Variants in MACROD2 observed in about 807,000 individuals in gnomAD.
MACROD2 encodes the protein mono-ADP ribosylhydrolase 2.
MACROD2 carries 36 observed loss-of-function variants against 70.4 expected under a neutral mutation model. The ratio of observed to expected loss-of-function variants is 0.51; its 90% confidence interval spans 0.39 to 0.68. The LOEUF (loss-of-function observed/expected upper bound fraction) is 0.68, where lower values mean the gene tolerates loss of function less well. MACROD2 is among the 30% of genes least tolerant of loss of function. The pLI is 0.00. For synonymous variants in MACROD2, 172 were observed against 178.8 expected (o/e 0.96, Z 0.30); for missense variants, 496 against 538.4 (o/e 0.92, Z 0.78).
chr20:14,779,526 A>C (rs1218622868), intron 5 of MACROD2, among the ~76,000 whole-genome samples: 1 of 152,160 alleles, frequency 6.6e-6, no homozygotes, highest in Non-Finnish European at 1.5e-5. Flanking sequence ...TCAGCAGGTC[A>C]TAATGACTCT....
intron 2 of MACROD2, chr20:14,051,998 G>C: frequency 2.0e-6 from 1 of 497,408 alleles, no homozygotes; most frequent in Non-Finnish European, 4.0e-6. Context: ...CCTGGAACAA[G>C]TTATGGAAAG....
chr20:14,566,341 C>T (rs1979802251), intron 4 of MACROD2, among the ~76,000 whole-genome samples: 1 of 151,786 alleles, frequency 6.6e-6, no homozygotes, highest in South Asian at 2.1e-4. Flanking sequence ...TCAGGAGGAT[C>T]ACTTGAGCCC....
At chr20:15,332,343 T>C (rs1205488366) in intron 6 of MACROD2, among the ~76,000 whole-genome samples, 1 of 151,698 alleles carries the variant, frequency 6.6e-6, no homozygotes, top group African/African-American at 2.4e-5. Flanking sequence ...TTACTCTAGA[T>C]CTATACTTCA....
chr20:14,509,816 G>T (rs1050888183), intron 4 of MACROD2, among the ~76,000 whole-genome samples: 8 of 151,672 alleles, frequency 5.3e-5, no homozygotes, highest in Non-Finnish European at 7.4e-5. Flanking sequence ...TAATATATTG[G>T]TATTAAGATT....
At chr20:15,418,809 C>T (rs1243563787) in intron 6 of MACROD2, among the ~76,000 whole-genome samples, 5 of 152,310 alleles carry the variant, frequency 3.3e-5, no homozygotes, top group African/African-American at 1.2e-4. Flanking sequence ...TTGGCAGTCC[C>T]TCCTGGGTTT....
chr20:15,844,263 T>C (rs2064205154), intron 8 of MACROD2, among the ~76,000 whole-genome samples: 1 of 152,044 alleles, frequency 6.6e-6, no homozygotes, highest in Non-Finnish European at 1.5e-5. Flanking sequence ...AGAGATGCTA[T>C]GGTAATATAA....
intron 6 of MACROD2, among the ~76,000 whole-genome samples, chr20:15,260,099 C>A (rs376978733): frequency 6.6e-6 from 1 of 151,566 alleles, no homozygotes; most frequent in Non-Finnish European, 1.5e-5. Context: ...ATTGGGATAT[C>A]CAATTACCTT....
intron 12 of MACROD2, among the ~76,000 whole-genome samples, chr20:15,943,589 C>T (rs1020652710): frequency 6.6e-6 from 1 of 152,114 alleles, no homozygotes; most frequent in Non-Finnish European, 1.5e-5. Context: ...AACTAAGATA[C>T]ATTGAGTGTC....
rs1339467847 is a variant in MACROD2, at chr20:14,592,061, A to C, written c.302-92782A>C. Among the ~76,000 whole-genome samples the C allele has an allele frequency of 2.6e-5, 4 of 152,182 alleles. No individual in the cohort carries two copies. In the South Asian group the frequency reaches 8.3e-4, roughly 32 times the overall value. ...GCAGTGGAAGGACATGGCAAATAGG[A>C]ATGCAGAGGGCATGACTAGACATGC... On this transcript the variant is annotated intron_variant, in intron 4 of 17. Transcript: ENST00000684519.
intron 5 of MACROD2, among the ~76,000 whole-genome samples, chr20:14,999,236 C>A (rs972803881): frequency 2.0e-5 from 3 of 152,174 alleles, no homozygotes; most frequent in African/African-American, 4.8e-5. Flanking sequence ...CAGACAAATG[C>A]AGAATAGTAT....
Position 14,938,940 on chromosome 20 carries a change from A to ATTTTTTTT in MACROD2, c.418+253996_418+254003dup, listed in dbSNP as rs1230863391. 3.6e-4 allele frequency among the ~76,000 whole-genome samples: 31 copies of ATTTTTTTT among 86,456 alleles called. 1 individual carries two copies. Among genetic ancestry groups the ATTTTTTTT allele is most frequent in the Non-Finnish European group, 4.0e-4 (16 of 39,674 alleles). The allele number at this position is 86,456 out of a possible 152,430, so 56.7% of individuals were successfully genotyped here. On this transcript the variant is annotated intron_variant, in intron 5 of 17. Coordinates refer to ENST00000684519, the MANE Select transcript of MACROD2 (RefSeq NM_001351661.2). Reference sequence around the variant, plus strand: ...GATATTTTTTTCATTGTTAAATCAGATTTTTTTTTTTTTTTTTTTTTTACT... The same window carrying ATTTTTTTT: ...GATATTTTTTTCATTGTTAAATCAGATTTTTTTTTTTTTTTTTTTTTTTTTTTTTTACT...
intron 5 of MACROD2, among the ~76,000 whole-genome samples, chr20:15,101,314 A>C (rs981495712): frequency 1.3e-5 from 2 of 151,900 alleles, no homozygotes; most frequent in Non-Finnish European, 2.9e-5. Flanking sequence ...GAAATGATTC[A>C]ATTTCCTATC....
intron 3 of MACROD2, among the ~76,000 whole-genome samples, chr20:14,300,509 A>C (rs2082465747): frequency 6.6e-6 from 1 of 152,152 alleles, no homozygotes; most frequent in South Asian, 2.1e-4. Flanking sequence ...TTCAAGTGGA[A>C]ACTTTAGAAA....
Position 14,989,033 on chromosome 20 carries a change from T to C in MACROD2, c.419-240907T>C, listed in dbSNP as rs185493654. On this transcript the variant is annotated intron_variant, in intron 5 of 17. Coordinates refer to ENST00000684519, the MANE Select transcript of MACROD2 (RefSeq NM_001351661.2). ...AAACAATGTTTATGTAAGTAATTAATTAAAAAGTATTCTGTGAATACAAAG... is the reference window on the plus strand; with the variant it reads ...AAACAATGTTTATGTAAGTAATTAACTAAAAAGTATTCTGTGAATACAAAG... Among the ~76,000 whole-genome samples the C allele has an allele frequency of 4.6e-5, 7 of 152,304 alleles. No homozygotes were observed. The East Asian group carries it at 1.3e-3, about 29-fold the overall frequency.
chr20:15,297,031 A>G (rs2077596197), intron 6 of MACROD2, among the ~76,000 whole-genome samples: 1 of 152,166 alleles, frequency 6.6e-6, no homozygotes. Context: ...TGCAAGCCCC[A>G]TGGTCAGATA....
chr20:14,338,990 T>G (rs1346638840), intron 3 of MACROD2, among the ~76,000 whole-genome samples: 1 of 152,190 alleles, frequency 6.6e-6, no homozygotes, highest in Non-Finnish European at 1.5e-5. Flanking sequence ...GCTCTATTCT[T>G]AGAGGTGCAT....
intron 6 of MACROD2, among the ~76,000 whole-genome samples, chr20:15,235,977 A>G (rs898301936): frequency 3.3e-5 from 5 of 152,264 alleles, no homozygotes; most frequent in East Asian, 3.9e-4. Flanking sequence ...CCAAGTCTCT[A>G]TGTCTTCCCT....
At chr20:14,379,675 G>C (rs2083404029) in intron 3 of MACROD2, among the ~76,000 whole-genome samples, 1 of 151,964 alleles carries the variant, frequency 6.6e-6, no homozygotes, top group Admixed American at 6.6e-5. Context: ...AAATTTGCCT[G>C]TTCTAGGTAC....
intron 8 of MACROD2, among the ~76,000 whole-genome samples, chr20:15,736,968 T>TA (rs1349188404): frequency 1.3e-5 from 2 of 152,078 alleles, no homozygotes; most frequent in African/African-American, 4.8e-5. Context: ...GCAGAGTGAA[T>TA]AAAAAAAGTA....
Sources: gnomAD v4.1 joint callset for allele counts (sites outside exome capture counted in the v4.1 genomes callset) on GRCh38, gnomAD v4.1.1 for gene constraint, MANE v1.5 for transcripts, NCBI Gene and HGNC (gene_info 2026-07-23, HGNC 2026-07-21) for gene names.